The following RSPH10B2 variants were observed in gnomAD, a reference collection of about 807,000 sequenced individuals.
The protein encoded by RSPH10B2 is radial spoke head 10 homolog B2 (Chlamydomonas).
Under a neutral mutation model 49.0 loss-of-function variants are expected in RSPH10B2, and 9 were observed. The ratio of observed to expected loss-of-function variants is 0.18; its 90% CI spans 0.11 to 0.32. The LOEUF (loss-of-function observed/expected upper bound fraction) is 0.32. RSPH10B2 is among the 10% of genes least tolerant of loss of function. The probability of loss-of-function intolerance (pLI) is 1.00; values close to 1 mark genes in which losing one functional copy is unlikely to be tolerated. For missense variants in RSPH10B2, 95 were observed against 589.9 expected, an observed-to-expected ratio of 0.16 and a Z score of 8.69; for synonymous variants, 35 against 210.2, an observed-to-expected ratio of 0.17 and a Z score of 7.21.
At chr7:6,764,058 T>TGTC in exon 4 of RSPH10B2, 1 of 1,319,568 alleles carries the variant, frequency 7.6e-7, no homozygotes, top group South Asian at 1.2e-5. Context: ...ACCCAGCCTG[T>TGTC]GTCCTACATC....
At chr7:6,786,630 CTG>C (rs1382944534) in intron 14 of RSPH10B2, among the ~76,000 whole-genome samples, 6 of 123,398 alleles carry the variant, frequency 4.9e-5, no homozygotes, top group African/African-American at 1.9e-4. Flanking sequence ...ATGTGAGCCA[CTG>C]TGACCAGCCT....
chr7:6,755,969 A>C (rs1211839918), upstream of RSPH10B2, among the ~76,000 whole-genome samples: 1 of 144,750 alleles, frequency 6.9e-6, no homozygotes, highest in African/African-American at 2.7e-5. Flanking sequence ...AACCCAAAAA[A>C]CACAGAACTG....
At chr7:6,781,696 T>G (rs1781939167) in intron 13 of RSPH10B2, 3 of 476,070 alleles carry the variant, frequency 6.3e-6, no homozygotes, top group African/African-American at 2.7e-5. Context: ...GCTAACAGAT[T>G]AGGGCAAGAC....
chr7:6,776,659 G>A (rs1304568602), intron 10 of RSPH10B2, 113 bp downstream of exon 12: 1 of 41,770 alleles, frequency 2.4e-5, no homozygotes, highest in Non-Finnish European at 4.5e-5. Context: ...GGCGGATCAC[G>A]AGGTCAGGAG....
At chr7:6,784,254 G>GT (rs1299287268) in intron 13 of RSPH10B2, among the ~76,000 whole-genome samples, 3 of 10,588 alleles carry the variant, frequency 2.8e-4, no homozygotes, top group East Asian at 4.2e-3. Context: ...CTTGGTATGA[G>GT]TTTTTTTTTT....
chr7:6,797,718 G>T (rs1420212672), intron 18 of RSPH10B2, among the ~76,000 whole-genome samples: 4 of 151,238 alleles, frequency 2.6e-5, no homozygotes, highest in African/African-American at 9.7e-5. Context: ...AGCCAGATGT[G>T]GTGGCAGGCG....
chr7:6,780,081 T>C (rs1206615747), intron 11 of RSPH10B2, among the ~76,000 whole-genome samples: 1 of 111,636 alleles, frequency 9.0e-6, no homozygotes, highest in Non-Finnish European at 1.9e-5. Context: ...CCTCAGCCTC[T>C]CAAAGTTCTG....
chr7:6,795,502 G>A (rs1477631274), intron 17 of RSPH10B2, among the ~76,000 whole-genome samples: 1 of 100,864 alleles, frequency 9.9e-6, no homozygotes, highest in African/African-American at 3.6e-5. Context: ...GCCGGGTGCA[G>A]AGGCTCATGC....
chr7:6,784,621 G>A (rs1583524166), intron 13 of RSPH10B2, among the ~76,000 whole-genome samples: 1 of 104,612 alleles, frequency 9.6e-6, no homozygotes, highest in Non-Finnish European at 1.8e-5. Context: ...GCTGGAGTGC[G>A]GTGGCACGAT....
At chr7:6,794,403 G>A (rs1782492860) in intron 17 of RSPH10B2, 2 of 149,154 alleles carry the variant, frequency 1.3e-5, no homozygotes, top group South Asian at 4.4e-4. Flanking sequence ...TTCGGCCTCT[G>A]TGACCCCTCG....
intron 14 of RSPH10B2, among the ~76,000 whole-genome samples, chr7:6,786,364 G>A (rs1017238359): frequency 8.6e-6 from 1 of 116,582 alleles, no homozygotes; most frequent in Non-Finnish European, 1.7e-5. Context: ...TTTTTTTTTT[G>A]TATTTTTTTT....
intron 13 of RSPH10B2, among the ~76,000 whole-genome samples, chr7:6,781,885 A>AAT (rs1459691031): frequency 2.9e-5 from 3 of 104,342 alleles, no homozygotes; most frequent in Non-Finnish European, 3.8e-5. Context: ...TATATATATA[A>AAT]ATATATATAT....
intron 13 of RSPH10B2, 130 bp from the exon 16 acceptor site, chr7:6,785,819 C>T (rs62441791): frequency 0.13 from 110,116 of 839,176 alleles, 420 homozygotes; most frequent in Admixed American, 0.23. Flanking sequence ...AGCGAGACTC[C>T]GTCTCTCAAA....
chr7:6,782,074 T>C (rs1345194693), intron 13 of RSPH10B2, among the ~76,000 whole-genome samples: 1 of 109,674 alleles, frequency 9.1e-6, no homozygotes, highest in Non-Finnish European at 1.8e-5. Flanking sequence ...CCACCACACC[T>C]GGCTAATTTT....
Position 6,780,873 on chromosome 7 carries a change from G to A in RSPH10B2, c.1594G>A (p.Ala532Thr). 2.0e-6 allele frequency: 3 copies of A among 1,497,782 alleles called. 1 individual carries two copies. The highest frequency in any genetic ancestry group is 2.7e-6 in the Non-Finnish European group (3 of 1,128,820). 92.8% of individuals were successfully genotyped at this position (1,497,782 alleles called of 1,614,324 possible). ...GATGACCGAGAACATTCGTCCAAATGCCTGCCAGATAAAAGGTAAATACAA... is the reference window on the plus strand; with the variant it reads ...GATGACCGAGAACATTCGTCCAAATACCTGCCAGATAAAAGGTAAATACAA... Residue 532 changes from alanine (A) to threonine (T), a missense_variant, in exon 12 of 19, where the codon GCC (alanine) becomes ACC (threonine). Coordinates refer to ENST00000297186, the Ensembl canonical transcript of RSPH10B2.
At chr7:6,776,881 A>T (rs866089685) in intron 10 of RSPH10B2, among the ~76,000 whole-genome samples, 16,807 of 93,620 alleles carry the variant, frequency 0.18, 780 homozygotes, top group South Asian at 0.31. Flanking sequence ...CATCACACAC[A>T]CACACACACA....
At chr7:6,795,826 G>A (rs1238886362) in intron 17 of RSPH10B2, among the ~76,000 whole-genome samples, 1 of 148,394 alleles carries the variant, frequency 6.7e-6, no homozygotes, top group East Asian at 1.9e-4. Flanking sequence ...CTATTAGGGA[G>A]GCTGAGATGG....
chr7:6,767,028 A>G (rs1781481310), intron 6 of RSPH10B2, 151 bp downstream of exon 8: 1 of 354,718 alleles, frequency 2.8e-6, no homozygotes, highest in African/African-American at 2.7e-5. Context: ...GCACTGGCGC[A>G]ATCTTGGCTC....
intron 14 of RSPH10B2, among the ~76,000 whole-genome samples, 160 bp from the exon 17 acceptor site, chr7:6,786,718 T>TGC (rs1347977035): frequency 2.1e-5 from 3 of 140,380 alleles, no homozygotes; most frequent in African/African-American, 8.2e-5. Flanking sequence ...TGCGTGTGTG[T>TGC]GCATGTGTGT....
Sources: gnomAD v4.1 joint callset for allele counts (sites outside exome capture counted in the v4.1 genomes callset) on GRCh38, gnomAD v4.1.1 for gene constraint, MANE v1.5 for transcripts, NCBI Gene and HGNC (gene_info 2026-07-23, HGNC 2026-07-21) for gene names.